The following DSCAM variants were observed in gnomAD, a reference collection of about 807,000 sequenced individuals.
DSCAM encodes the protein cell adhesion molecule DSCAM.
Under a neutral mutation model 217.7 loss-of-function variants are expected in DSCAM, and 47 were observed. That is an observed-to-expected ratio of 0.22 (90% CI 0.17 to 0.28). The LOEUF (loss-of-function observed/expected upper bound fraction) is 0.28, where lower values mean the gene tolerates loss of function less well. Ranked by LOEUF, DSCAM falls within the 10% of genes least tolerant of loss-of-function variation. The probability of loss-of-function intolerance (pLI) is 1.00; values close to 1 mark genes in which losing one functional copy is unlikely to be tolerated. For synonymous variants in DSCAM, 1,056 were observed against 1,015.3 expected, an observed-to-expected ratio of 1.04 and a Z score of -0.76; for missense variants, 2,080 against 2,618.3, an observed-to-expected ratio of 0.79 and a Z score of 4.49.
chr21:40,339,002 G>A lies in DSCAM; in HGVS notation c.1507+117C>T, dbSNP rs950227076. On this transcript the variant is annotated intron_variant, in intron 7 of 32. Coordinates refer to ENST00000400454, the MANE Select transcript of DSCAM (RefSeq NM_001389.5). The stretch of plus-strand genomic sequence containing the variant: ...AGTAGGAAGGAGAGGGTAGGAAATG[G>A]GAAGCAACAGTTAATCCGCTCTGGC... 2.2e-5 allele frequency: 28 copies of A among 1,294,208 alleles called. No homozygotes were observed. The African/African-American group carries it at 3.7e-4, about 17-fold the overall frequency. The allele number at this position is 1,294,208 out of a possible 1,614,324, so 80.2% of individuals were successfully genotyped here. A position where few individuals can be genotyped will look rare whatever the true frequency, so the allele number is the denominator to read the frequency against.
chr21:40,079,065 C>CCAGCGAGGCCAGGAGCT, intron 25 of DSCAM, 88 bp from the exon 26 acceptor site: 1 of 1,448,226 alleles, frequency 6.9e-7, no homozygotes, highest in Non-Finnish European at 9.3e-7. Context: ...ACTGCTTCCT[C>CCAGCGAGGCCAGGAGCT]CAGCGAGGCC....
At chr21:40,120,103 G>A (rs1024216359) in intron 20 of DSCAM, among the ~76,000 whole-genome samples, 3 of 152,146 alleles carry the variant, frequency 2.0e-5, no homozygotes, top group African/African-American at 7.2e-5. Flanking sequence ...TAAGTTATGG[G>A]CTACAATGTG....
At chr21:40,511,216 C>T (rs1054177286) in intron 3 of DSCAM, among the ~76,000 whole-genome samples, 3 of 152,002 alleles carry the variant, frequency 2.0e-5, no homozygotes, top group African/African-American at 7.3e-5. Flanking sequence ...AAGAGGAAAG[C>T]AGAACAGATA....
chr21:40,588,993 T>C (rs2076965482), intron 3 of DSCAM, among the ~76,000 whole-genome samples: 2 of 152,222 alleles, frequency 1.3e-5, no homozygotes. Flanking sequence ...TGTATGTGTA[T>C]GAAAAAAAGT....
chr21:40,029,357 C>T (rs1482232557), intron 32 of DSCAM, among the ~76,000 whole-genome samples: 1 of 146,730 alleles, frequency 6.8e-6, no homozygotes, highest in Non-Finnish European at 1.5e-5. Flanking sequence ...TCTCTGTGCT[C>T]ATGCCCTCTG....
At chr21:40,766,972 C>T (rs989934977) in intron 1 of DSCAM, among the ~76,000 whole-genome samples, 4 of 152,112 alleles carry the variant, frequency 2.6e-5, no homozygotes, top group Non-Finnish European at 5.9e-5. Flanking sequence ...AGGCATGAGC[C>T]ACCGTGTCCA....
chr21:40,671,342 C>T (rs971339281), intron 3 of DSCAM, among the ~76,000 whole-genome samples: 1 of 152,160 alleles, frequency 6.6e-6, no homozygotes, highest in Non-Finnish European at 1.5e-5. Context: ...AAAAGGCGAA[C>T]AGACTAGCCT....
intron 3 of DSCAM, among the ~76,000 whole-genome samples, chr21:40,538,610 T>C (rs1459688344): frequency 2.6e-5 from 4 of 152,202 alleles, no homozygotes. Flanking sequence ...ATACAATGAA[T>C]TCTGGAGCAA....
intron 18 of DSCAM, among the ~76,000 whole-genome samples, chr21:40,139,137 G>A (rs1459942975): frequency 6.6e-6 from 1 of 151,090 alleles, no homozygotes; most frequent in Non-Finnish European, 1.5e-5. Context: ...GTGTGTACAT[G>A]TGGTGTGGTA....
chr21:40,480,618 G>A (rs901242484), intron 3 of DSCAM, among the ~76,000 whole-genome samples: 1 of 152,166 alleles, frequency 6.6e-6, no homozygotes, highest in Non-Finnish European at 1.5e-5. Context: ...ATATTTACAT[G>A]CTACAATTTT....
intron 30 of DSCAM, among the ~76,000 whole-genome samples, chr21:40,050,949 A>G (rs779419094): frequency 7.2e-5 from 11 of 152,312 alleles, no homozygotes; most frequent in Admixed American, 1.3e-4. Context: ...ATTCTTGAAA[A>G]CATTTTTTAA....
intron 30 of DSCAM, among the ~76,000 whole-genome samples, chr21:40,047,868 G>A (rs1188769897): frequency 6.6e-6 from 1 of 152,140 alleles, no homozygotes; most frequent in Non-Finnish European, 1.5e-5. Context: ...GGGTAACAGA[G>A]GGCATTTTTT....
At chr21:40,217,617 C>A (rs1012830210) in intron 11 of DSCAM, among the ~76,000 whole-genome samples, 2 of 152,134 alleles carry the variant, frequency 1.3e-5, no homozygotes, top group African/African-American at 4.8e-5. Context: ...ACACTTCCAC[C>A]AATAGTGTAT....
intron 11 of DSCAM, among the ~76,000 whole-genome samples, chr21:40,213,904 G>T (rs990063120): frequency 6.6e-6 from 1 of 152,164 alleles, no homozygotes; most frequent in Non-Finnish European, 1.5e-5. Flanking sequence ...CATCCTTTCC[G>T]CATCTTCTGC....
At chr21:40,616,172 ATGAC>A (rs2146287450) in intron 3 of DSCAM, among the ~76,000 whole-genome samples, 1 of 152,342 alleles carries the variant, frequency 6.6e-6, no homozygotes, top group African/African-American at 2.4e-5. Flanking sequence ...AAAGCACAGA[ATGAC>A]TGGGAAGTTT....
intron 4 of DSCAM, among the ~76,000 whole-genome samples, chr21:40,360,901 A>G (rs1024690312): frequency 6.6e-5 from 10 of 152,182 alleles, no homozygotes; most frequent in African/African-American, 2.4e-4. Context: ...TCTGCTTTCC[A>G]CAATGGCAGG....
chr21:40,379,719 C>G (rs2075001446), intron 3 of DSCAM, among the ~76,000 whole-genome samples: 1 of 152,160 alleles, frequency 6.6e-6, no homozygotes, highest in Admixed American at 6.5e-5. Context: ...TACCTGCTGC[C>G]CCCAAAGGTT....
At chr21:40,155,759 G>A (rs2090469253) in intron 16 of DSCAM, among the ~76,000 whole-genome samples, 1 of 152,174 alleles carries the variant, frequency 6.6e-6, no homozygotes, top group Non-Finnish European at 1.5e-5. Context: ...GGAGCTGAGT[G>A]AGATGAAGGC....
intron 3 of DSCAM, among the ~76,000 whole-genome samples, chr21:40,533,616 T>A (rs59319555): frequency 0.16 from 21,185 of 136,614 alleles, 3,083 homozygotes; most frequent in African/African-American, 0.4. Context: ...CATCCATCCA[T>A]CCATCCATCC....
Sources: gnomAD v4.1 joint callset for allele counts (sites outside exome capture counted in the v4.1 genomes callset) on GRCh38, gnomAD v4.1.1 for gene constraint, MANE v1.5 for transcripts, NCBI Gene and HGNC (gene_info 2026-07-23, HGNC 2026-07-21) for gene names.